The following ROBO1 variants were observed in gnomAD, a reference collection of about 807,000 sequenced individuals.
The protein encoded by ROBO1 is roundabout homolog 1.
In ROBO1, 149 loss-of-function variants were observed where a neutral mutation model predicts 195.9. The observed-to-expected ratio is 0.76, with a 90% CI of 0.67 to 0.87. The LOEUF (loss-of-function observed/expected upper bound fraction) is 0.87. ROBO1 is among the 40% of genes least tolerant of loss of function. ROBO1 has a pLI of 0.00. For missense variants in ROBO1, 1,933 were observed against 2,068.3 expected, an observed-to-expected ratio of 0.93 and a Z score of 1.27; for synonymous variants, 816 against 733.2, an observed-to-expected ratio of 1.11 and a Z score of -1.82.
At chr3:78,828,111 A>C (rs1362572386) in intron 4 of ROBO1, among the ~76,000 whole-genome samples, 5 of 152,230 alleles carry the variant, frequency 3.3e-5, no homozygotes, top group Non-Finnish European at 7.3e-5. Flanking sequence ...TTGTATAATC[A>C]GAGAAGTTTC....
chr3:79,389,202 TTAAG>T (rs1350677043), intron 2 of ROBO1, among the ~76,000 whole-genome samples: 6 of 151,914 alleles, frequency 3.9e-5, no homozygotes, highest in Non-Finnish European at 7.4e-5. Flanking sequence ...GAATTTGAAT[TTAAG>T]TAAGAAACAA....
intron 1 of ROBO1, among the ~76,000 whole-genome samples, chr3:79,647,265 A>G (rs1945846549): frequency 6.6e-6 from 1 of 152,092 alleles, no homozygotes; most frequent in Admixed American, 6.6e-5. Flanking sequence ...TTTTGGCAAT[A>G]TGGAGAACTA....
intron 3 of ROBO1, among the ~76,000 whole-genome samples, chr3:79,030,969 G>A (rs1178965526): frequency 1.3e-5 from 2 of 152,098 alleles, no homozygotes; most frequent in African/African-American, 4.8e-5. Context: ...TGATCCACCC[G>A]CCTCTGCCTC....
chr3:79,513,735 G>A (rs1940824054), intron 2 of ROBO1, among the ~76,000 whole-genome samples: 1 of 152,048 alleles, frequency 6.6e-6, no homozygotes, highest in South Asian at 2.1e-4. Flanking sequence ...CATTCTTTGT[G>A]CACATAGACT....
chr3:79,440,975 A>T (rs878964072), intron 2 of ROBO1, among the ~76,000 whole-genome samples: 1 of 152,146 alleles, frequency 6.6e-6, no homozygotes, highest in African/African-American at 2.4e-5. Flanking sequence ...ACCATAAATA[A>T]AAAAACATTA....
rs148928744 is a variant in ROBO1, at chr3:78,946,301, C to A, written c.173-7374G>T. Among the ~76,000 whole-genome samples the A allele has an allele frequency of 7.1e-3, 1,078 of 152,192 alleles. 10 individuals are homozygous for A. Among genetic ancestry groups the A allele is most frequent in the African/African-American group, 0.025 (1,047 of 41,516 alleles). On this transcript the variant is annotated intron_variant, in intron 3 of 30. Coordinates refer to ENST00000464233, the MANE Select transcript of ROBO1 (RefSeq NM_002941.4). ...GGTCGGGTTACCCACAAAGGGAAGC[C>A]CACCAGACTAACAGCTAATCTCTTG... is the stretch of plus-strand genomic sequence containing the variant.
chr3:79,668,562 G>T lies in ROBO1; in HGVS notation c.-50-78601C>A, dbSNP rs1251870870. Among the ~76,000 whole-genome samples, 7 of 151,576 alleles carry T rather than the reference G, an allele frequency of 4.6e-5. No individual in the cohort carries two copies. The South Asian group carries it at 1.0e-3, about 23-fold the overall frequency. Reference sequence around the variant, plus strand: ...CTCAATGCAATTCCTTGCATCAGAGGATAATCATTCAGCCCAGGGAAAGAC... The same window carrying T: ...CTCAATGCAATTCCTTGCATCAGAGTATAATCATTCAGCCCAGGGAAAGAC... On this transcript the variant is annotated intron_variant, in intron 1 of 30. Transcript: ENST00000464233.
intron 2 of ROBO1, among the ~76,000 whole-genome samples, chr3:79,562,107 G>A (rs1279693173): frequency 6.6e-6 from 1 of 152,004 alleles, no homozygotes; most frequent in Non-Finnish European, 1.5e-5. Flanking sequence ...TTGACAAATG[G>A]CTATTTTTTT....
intron 3 of ROBO1, among the ~76,000 whole-genome samples, chr3:79,000,328 T>A (rs1166289921): frequency 6.6e-6 from 1 of 152,174 alleles, no homozygotes; most frequent in African/African-American, 2.4e-5. Context: ...TAGACCTTTG[T>A]CAGATGGATA....
rs944572474 is a variant in ROBO1, at chr3:79,541,578, A to C, written c.88+48246T>G. 2.0e-5 allele frequency among the ~76,000 whole-genome samples: 3 copies of C among 152,050 alleles called. No homozygotes were observed. In the Admixed American group the frequency reaches 2.0e-4, roughly 10 times the overall value. ...TCCTCCCTTCTTAAGGTAACTTGTCAAATTTTAAAAGTAAAGTTGAAAACT... is the reference window on the plus strand; with the variant it reads ...TCCTCCCTTCTTAAGGTAACTTGTCCAATTTTAAAAGTAAAGTTGAAAACT... On this transcript the variant is annotated intron_variant, in intron 2 of 30. Coordinates refer to ENST00000464233, the MANE Select transcript of ROBO1 (RefSeq NM_002941.4).
chr3:78,983,556 TA>T (rs2077043069), intron 3 of ROBO1, among the ~76,000 whole-genome samples: 1 of 152,190 alleles, frequency 6.6e-6, no homozygotes, highest in Non-Finnish European at 1.5e-5. Context: ...CTTTGCATAA[TA>T]AAAAGGTAGA....
At chr3:79,213,882 G>T (rs1438501189) in intron 2 of ROBO1, among the ~76,000 whole-genome samples, 1 of 136,620 alleles carries the variant, frequency 7.3e-6, no homozygotes, top group Non-Finnish European at 1.5e-5. Flanking sequence ...CTGAAGTGCA[G>T]TGGCACAATC....
At chr3:79,083,523 T>C (rs1441225761) in intron 3 of ROBO1, among the ~76,000 whole-genome samples, 1 of 152,126 alleles carries the variant, frequency 6.6e-6, no homozygotes, top group Non-Finnish European at 1.5e-5. Flanking sequence ...ATGTTTGAAA[T>C]AATAACAAAC....
At chr3:79,385,812 C>T (rs1412538210) in intron 2 of ROBO1, among the ~76,000 whole-genome samples, 1 of 152,124 alleles carries the variant, frequency 6.6e-6, no homozygotes, top group Admixed American at 6.6e-5. Flanking sequence ...AACAGAAAAA[C>T]TCAATGGAGA....
At chr3:79,226,685 A>G (rs868131543) in intron 2 of ROBO1, among the ~76,000 whole-genome samples, 4 of 151,436 alleles carry the variant, frequency 2.6e-5, no homozygotes, top group Admixed American at 6.6e-5. Context: ...CGGCCACAAC[A>G]TGAGCCACTA....
At chr3:78,866,899 C>T (rs769573675) in intron 4 of ROBO1, among the ~76,000 whole-genome samples, 19 of 152,288 alleles carry the variant, frequency 1.2e-4, no homozygotes, top group Non-Finnish European at 2.4e-4. Flanking sequence ...CACTGTGATA[C>T]TACACGTAGC....
chr3:79,655,993 A>G lies in ROBO1; in HGVS notation c.-50-66032T>C, dbSNP rs72893928. Among the ~76,000 whole-genome samples the G allele has an allele frequency of 7.5e-3, 1,136 of 152,198 alleles. 13 individuals are homozygous for G. The highest frequency in any genetic ancestry group is 0.026 in the African/African-American group (1,074 of 41,584). On this transcript the variant is annotated intron_variant, in intron 1 of 30. Coordinates refer to ENST00000464233, the MANE Select transcript of ROBO1 (RefSeq NM_002941.4). ...CATTAATAAATCACTTAACTTTTTA[A>G]AAGATATTTATTTTTAAGCTTATTA... is the stretch of plus-strand genomic sequence containing the variant.
chr3:79,440,528 T>C (rs1195704574), intron 2 of ROBO1, among the ~76,000 whole-genome samples: 3 of 152,126 alleles, frequency 2.0e-5, no homozygotes, highest in Non-Finnish European at 4.4e-5. Context: ...TCGCCTTCTG[T>C]AGCTGTCCCC....
chr3:79,473,563 G>A (rs2107333004), intron 2 of ROBO1, among the ~76,000 whole-genome samples: 1 of 152,116 alleles, frequency 6.6e-6, no homozygotes, highest in African/African-American at 2.4e-5. Context: ...TTATATTTGA[G>A]ATCCAAAATG....
Sources: gnomAD v4.1 joint callset for allele counts (sites outside exome capture counted in the v4.1 genomes callset) on GRCh38, gnomAD v4.1.1 for gene constraint, MANE v1.5 for transcripts, NCBI Gene and HGNC (gene_info 2026-07-23, HGNC 2026-07-21) for gene names.